GANC: variants seen among roughly 807,000 people sequenced by gnomAD.
GANC encodes glucosidase alpha, neutral C, also known as neutral alpha-glucosidase C.
In GANC, 117 loss-of-function variants were observed where a neutral mutation model predicts 124.2. The observed-to-expected ratio is 0.94, with a 90% CI of 0.81 to 1.10. The LOEUF (loss-of-function observed/expected upper bound fraction) is 1.10. Ranked by LOEUF, GANC falls within the 50% of genes least tolerant of loss-of-function variation. The pLI, the probability that GANC is intolerant of heterozygous loss-of-function variation, is 0.00. For missense variants in GANC, 1,140 were observed against 1,095.0 expected (o/e 1.04, Z -0.58); for synonymous variants, 377 against 376.8 (o/e 1.00, Z -0.01).
At chr15:42,339,351 CACACACAGTT>C (rs1156586336) in intron 16 of GANC, among the ~76,000 whole-genome samples, 2 of 145,494 alleles carry the variant, frequency 1.4e-5, no homozygotes, top group Non-Finnish European at 3.0e-5. Flanking sequence ...CACACACACA[CACACACAGTT>C]ATTTAATCAG....
At position 42,325,567 on chromosome 15, in the gene GANC, A is replaced by G. The variant is rs1024978120; in HGVS notation, c.1294-731A>G. On this transcript the variant is annotated intron_variant, in intron 11 of 23. Transcript: ENST00000318010. ...ACATGTTATTCTCTTAGTTTCTTTA[A>G]TGTTTGCTTATATCAATGTTATCTG... is the stretch of plus-strand genomic sequence containing the variant. Among the ~76,000 whole-genome samples, 4 of 152,092 alleles carry G rather than the reference A, an allele frequency of 2.6e-5. No individual in the cohort carries two copies. The South Asian group carries it at 8.3e-4, about 32-fold the overall frequency.
chr15:42,292,757 A>G lies in GANC; in HGVS notation c.352A>G (p.Thr118Ala). 1 of 1,614,046 alleles carries G rather than the reference A, an allele frequency of 6.2e-7. No homozygotes were observed. Among genetic ancestry groups the G allele is most frequent in the Non-Finnish European group, 8.5e-7 (1 of 1,179,918 alleles). Residue 118 changes from threonine (T) to alanine (A), a missense_variant, in exon 5 of 24, where the codon ACA (threonine) becomes GCA (alanine). Thr to Ala is a moderately conservative substitution (Grantham distance 58). Transcript: ENST00000318010. ...TAGGCTGATTTCATGCTCTGGGGAC[A>G]CAGGCAGTCTGATATTGGCAGATGG... ...TVRLISCSGD[T>A]GSLILADGKG...
In GANC at chr15:42,273,396, C is replaced by T. The variant is rs1485112438; in HGVS notation, c.-1086C>T. 1 of 1,613,986 alleles carries T rather than the reference C, an allele frequency of 6.2e-7. No individual in the cohort carries two copies. On this transcript the variant is annotated 5_prime_UTR_variant, in exon 1 of 24. Transcript: ENST00000318010. ...ACACCTGAAGCCACGCAGCCGCCGC[C>T]ATCTTCACAGCCGTGGAGTGCCTAC...
At chr15:42,285,978 T>C (rs2051783397) in intron 3 of GANC, among the ~76,000 whole-genome samples, 2 of 151,980 alleles carry the variant, frequency 1.3e-5, no homozygotes, top group African/African-American at 4.8e-5. Flanking sequence ...GAACAGAACA[T>C]ACAGATCAGT....
rs1405351640 is a variant in GANC, at chr15:42,349,446, C to G, written c.2482C>G (p.Gln828Glu). The change falls in exon 22 of 24, where the codon CAA becomes GAA. Residue 828 changes from glutamine (Q) to glutamate (E), a missense_variant. Transcript: ENST00000318010. ...TTCATTCCAATACCTCCACCAGAAG[C>G]AATTTTTGCACAGGAAGTTTTCATT... ...GHSFQYLHQK[Q>E]FLHRKFSFCS... is the part of the protein sequence containing the mutation. 1 of 1,613,764 alleles carries G rather than the reference C, an allele frequency of 6.2e-7. No individual in the cohort carries two copies. Among genetic ancestry groups the G allele is most frequent in the African/African-American group, 1.3e-5 (1 of 75,008 alleles).
At chr15:42,300,727 A>C (rs1171361659) in intron 6 of GANC, among the ~76,000 whole-genome samples, 1 of 152,218 alleles carries the variant, frequency 6.6e-6, no homozygotes. Context: ...GACTGGATAA[A>C]GAAAATATGG....
chr15:42,307,955 G>T lies in GANC; in HGVS notation c.626-267G>T, dbSNP rs16973022. Among the ~76,000 whole-genome samples the T allele has an allele frequency of 8.0e-3, 1,226 of 152,336 alleles. 9 individuals are homozygous for T. Among genetic ancestry groups the T allele is most frequent in the Middle Eastern group, 0.037 (11 of 294 alleles). ...GTTTTATATAGAGACGAGATTTACT[G>T]TGAAGAGGACACAGAGAGCTTCATC... On this transcript the variant is annotated intron_variant, in intron 7 of 23. Transcript: ENST00000318010.
intron 15 of GANC, among the ~76,000 whole-genome samples, chr15:42,331,800 ATT>A (rs937098494): frequency 6.6e-6 from 1 of 151,950 alleles, no homozygotes; most frequent in Non-Finnish European, 1.5e-5. Flanking sequence ...TGTTTAAAAA[ATT>A]TTTTTTCTTT....
At position 42,310,298 on chromosome 15, in the gene GANC, C is replaced by T; in HGVS notation, c.738C>T (p.Tyr246=). The T allele has an allele frequency of 1.3e-6, 2 of 1,599,170 alleles. No homozygotes were observed. The highest frequency in any genetic ancestry group is 3.5e-4 in the Middle Eastern group (2 of 5,714). Residue 246 remains tyrosine (Y), a synonymous_variant, in exon 9 of 24, where the codon TAC becomes TAT. Coordinates refer to ENST00000318010, the MANE Select transcript of GANC (RefSeq NM_198141.3). ...QLKNTGDGDA[Y]RLYNLDVYGY... is the part of the protein sequence containing the mutation. ...TGTGTTTCAGTGATGGAGATGCTTACCGTCTTTATAACCTGGATGTCTATG... is the reference window on the plus strand; with the variant it reads ...TGTGTTTCAGTGATGGAGATGCTTATCGTCTTTATAACCTGGATGTCTATG...
At chr15:42,289,226 A>G (rs2141024183) in intron 4 of GANC, among the ~76,000 whole-genome samples, 1 of 152,276 alleles carries the variant, frequency 6.6e-6, no homozygotes, top group Admixed American at 6.5e-5. Flanking sequence ...AAAAACCTTG[A>G]TTTCAGAACT....
intron 2 of GANC, chr15:42,278,153 G>A (rs1240494431): frequency 4.4e-6 from 1 of 229,786 alleles, no homozygotes; most frequent in Non-Finnish European, 9.3e-6. Context: ...TACTATTAAA[G>A]TCCATTTTAT....
chr15:42,338,527 A>G, intron 16 of GANC, 37 bp downstream of exon 16: 2 of 1,407,504 alleles, frequency 1.4e-6, no homozygotes, highest in Non-Finnish European at 2.0e-6. Context: ...GTGCAAGGAA[A>G]TAAAAAATGA....
At chr15:42,348,927 G>A (rs2052393707) in intron 21 of GANC, among the ~76,000 whole-genome samples, 1 of 152,076 alleles carries the variant, frequency 6.6e-6, no homozygotes, top group African/African-American at 2.4e-5. Flanking sequence ...CAAAAGACTA[G>A]CGATCCATAT....
At chr15:42,290,318 C>T (rs988642642) in intron 4 of GANC, among the ~76,000 whole-genome samples, 7 of 152,164 alleles carry the variant, frequency 4.6e-5, no homozygotes, top group Non-Finnish European at 1.0e-4. Context: ...ACAATAGTCT[C>T]AGGGCTTTAA....
intron 11 of GANC, among the ~76,000 whole-genome samples, chr15:42,324,055 A>G (rs1049371881): frequency 1.5e-4 from 23 of 152,174 alleles, no homozygotes; most frequent in Admixed American, 3.3e-4. Context: ...GTTAATATCC[A>G]GAATATATAA....
At chr15:42,283,663 T>C in intron 3 of GANC, 1 of 702,628 alleles carries the variant, frequency 1.4e-6, no homozygotes. Context: ...TCTCCGAGGA[T>C]GCAGGAATAT....
intron 3 of GANC, among the ~76,000 whole-genome samples, chr15:42,282,904 CT>C (rs1462042632): frequency 6.6e-6 from 1 of 152,206 alleles, no homozygotes; most frequent in Non-Finnish European, 1.5e-5. Flanking sequence ...CTGCCTTCTT[CT>C]TGTGCCCTCG....
intron 8 of GANC, among the ~76,000 whole-genome samples, 168 bp downstream of exon 8, chr15:42,308,486 G>A (rs1341815756): frequency 1.3e-5 from 2 of 152,036 alleles, no homozygotes; most frequent in African/African-American, 4.8e-5. Context: ...TCAGAGCAGT[G>A]GTTTTCCTTT....
chr15:42,287,679 A>C lies in GANC; in HGVS notation c.202-12A>C. On this transcript the variant is annotated splice_polypyrimidine_tract_variant and intron_variant, in intron 3 of 23. Transcript: ENST00000318010. ...TAACCTGTTGAAGGTAATCTCTTGT[A>C]TCTGTTTCCAGGTTCCTCTCCTGGC... 6.2e-7 allele frequency: 1 copy of C among 1,608,832 alleles called. No homozygotes were observed. The highest frequency in any genetic ancestry group is 8.5e-7 in the Non-Finnish European group (1 of 1,178,172).
Sources: allele counts gnomAD v4.1 joint callset (sites outside exome capture counted in the v4.1 genomes callset), GRCh38; gene constraint gnomAD v4.1.1; transcripts MANE v1.5; gene names NCBI Gene and HGNC (gene_info 2026-07-23, HGNC 2026-07-21).